NFATC1: variants seen among roughly 807,000 people sequenced by gnomAD.
The protein encoded by NFATC1 is nuclear factor of activated T cells 1.
A neutral mutation model predicts 76.0 loss-of-function variants in NFATC1; 22 were observed. The ratio of observed to expected loss-of-function variants is 0.29; its 90% CI spans 0.21 to 0.41. The LOEUF is 0.41. NFATC1 is among the 10% of genes least tolerant of loss of function. The pLI is 1.00. For missense variants in NFATC1, 1,357 were observed against 1,337.7 expected, an observed-to-expected ratio of 1.01 and a Z score of -0.23; for synonymous variants, 704 against 613.1, an observed-to-expected ratio of 1.15 and a Z score of -2.19.
intron 9 of NFATC1, among the ~76,000 whole-genome samples, chr18:79,521,279 G>T: frequency 1.7e-5 from 1 of 60,044 alleles, no homozygotes; most frequent in African/African-American, 7.1e-5. Flanking sequence ...ATCCGCTGAT[G>T]TGTGTGTCTG....
chr18:79,526,442 G>T (rs1361775741), intron 9 of NFATC1, among the ~76,000 whole-genome samples: 1 of 152,242 alleles, frequency 6.6e-6, no homozygotes, highest in East Asian at 1.9e-4. Context: ...CTTTACAGAG[G>T]CTGAGCTCCC....
At chr18:79,464,642 ATG>A (rs964180373) in intron 7 of NFATC1, among the ~76,000 whole-genome samples, 5 of 124,780 alleles carry the variant, frequency 4.0e-5, no homozygotes, top group African/African-American at 1.4e-4. Context: ...TTGTGGATAT[ATG>A]TGTTTGTGTG....
intron 8 of NFATC1, chr18:79,471,021 T>TC (rs2088764819): frequency 6.6e-6 from 1 of 152,328 alleles, no homozygotes; most frequent in South Asian, 2.1e-4. Flanking sequence ...CCTCCTGACA[T>TC]CCCGGGGTGC....
At chr18:79,526,111 A>G (rs113600401) in intron 9 of NFATC1, among the ~76,000 whole-genome samples, 8,014 of 152,348 alleles carry the variant, frequency 0.053, 282 homozygotes, top group Admixed American at 0.09. Context: ...GAGGCCCCGC[A>G]GCGCCGCCCG....
intron 9 of NFATC1, among the ~76,000 whole-genome samples, chr18:79,490,090 C>CCCCCCG (rs542531833): frequency 0.075 from 11,455 of 152,156 alleles, 585 homozygotes; most frequent in Non-Finnish European, 0.11. Flanking sequence ...GCCTGATCTC[C>CCCCCCG]CCCCCGCCCC....
intron 3 of NFATC1, among the ~76,000 whole-genome samples, chr18:79,441,187 G>A (rs545458939): frequency 6.6e-5 from 10 of 152,324 alleles, no homozygotes; most frequent in South Asian, 6.2e-4. Flanking sequence ...GGTTTCACCC[G>A]GAGATTGGGG....
chr18:79,461,666 A>G (rs2088105476), intron 7 of NFATC1, among the ~76,000 whole-genome samples: 1 of 152,182 alleles, frequency 6.6e-6, no homozygotes, highest in Non-Finnish European at 1.5e-5. Context: ...GAGACAGCCC[A>G]GGGAAGGTCG....
chr18:79,526,833 G>A (rs1025389035), intron 9 of NFATC1, among the ~76,000 whole-genome samples: 4 of 152,216 alleles, frequency 2.6e-5, no homozygotes, highest in Non-Finnish European at 5.9e-5. Context: ...CTGGGCTCTG[G>A]GCGCTCCAGC....
At position 79,486,928 on chromosome 18, in the gene NFATC1, C is replaced by T. The variant is rs751283361; in HGVS notation, c.2773C>T (p.Leu925=). The T allele has an allele frequency of 2.5e-6, 4 of 1,594,218 alleles. No individual in the cohort carries two copies. The highest frequency in any genetic ancestry group is 2.7e-5 in the African/African-American group (2 of 74,474). The change falls in exon 9 of 10, where the codon CTG becomes TTG. Residue 925 remains leucine, a synonymous_variant. Coordinates refer to ENST00000427363, the MANE Select transcript of NFATC1 (RefSeq NM_001278669.2). ...GCCTGAAGAGTTGGACCAGTTGTAC[C>T]TGGATGACGGTGAGTGCCCGCAGCC... ...REPEELDQLY[L]DDVNEIIRND...
intron 1 of NFATC1, chr18:79,400,205 CGGAA>C: frequency 8.5e-7 from 1 of 1,170,804 alleles, no homozygotes; most frequent in Non-Finnish European, 1.1e-6. Flanking sequence ...ATTTAAAACT[CGGAA>C]GCCGGCGGCC....
At chr18:79,479,579 C>T (rs927620918) in intron 8 of NFATC1, among the ~76,000 whole-genome samples, 1 of 152,360 alleles carries the variant, frequency 6.6e-6, no homozygotes, top group Admixed American at 6.5e-5. Context: ...TGGAAGCAGC[C>T]GTGTGGCTTT....
chr18:79,525,816 G>A (rs370382528), intron 9 of NFATC1, among the ~76,000 whole-genome samples: 7 of 152,320 alleles, frequency 4.6e-5, no homozygotes, highest in East Asian at 1.9e-4. Context: ...AACCCCCACC[G>A]TGTCTTCCTC....
intron 1 of NFATC1, among the ~76,000 whole-genome samples, chr18:79,401,061 C>G (rs970527019): frequency 4.3e-5 from 6 of 138,916 alleles, no homozygotes; most frequent in Non-Finnish European, 6.1e-5. Context: ...ATTTTCTCTT[C>G]TCTGTGTCAG....
Position 79,477,322 on chromosome 18 carries a change from C to A in NFATC1, c.2093-8926C>A, listed in dbSNP as rs1037932083. 7.9e-5 allele frequency among the ~76,000 whole-genome samples: 12 copies of A among 152,340 alleles called. 1 individual carries two copies. In the East Asian group the frequency reaches 2.3e-3, roughly 29 times the overall value. On this transcript the variant is annotated intron_variant, in intron 8 of 9. Coordinates refer to ENST00000427363, the MANE Select transcript of NFATC1 (RefSeq NM_001278669.2). ...TTTTGTCCAGTACTGTAGTGCATCC[C>A]TGGTAGAGTAATTCAAGCTGAACAC...
intron 8 of NFATC1, among the ~76,000 whole-genome samples, chr18:79,473,600 G>A (rs1267283302): frequency 1.4e-5 from 2 of 142,478 alleles, no homozygotes; most frequent in Non-Finnish European, 3.0e-5. Flanking sequence ...TAAACCTGAG[G>A]GAAGCGTGTT....
rs375350687 is a variant in NFATC1, at chr18:79,444,396, G to A, written c.1387-4386G>A. 1.1e-3 allele frequency among the ~76,000 whole-genome samples: 170 copies of A among 152,298 alleles called. 1 individual carries two copies. Among genetic ancestry groups the A allele is most frequent in the South Asian group, 8.5e-3 (41 of 4,832 alleles). ...TGCACACTGGGAACCAGGACAAGAG[G>A]TGTGCGGCGTCAGGCTGTGTCCTTC... is the stretch of plus-strand genomic sequence containing the variant. On this transcript the variant is annotated intron_variant, in intron 3 of 9. Transcript: ENST00000427363.
chr18:79,404,981 A>G (rs546366186), intron 1 of NFATC1, among the ~76,000 whole-genome samples: 1 of 152,296 alleles, frequency 6.6e-6, no homozygotes, highest in East Asian at 1.9e-4. Flanking sequence ...TTCTGAAGTG[A>G]ATTATTTCTC....
At position 79,524,890 on chromosome 18, in the gene NFATC1, C is replaced by T. The variant is rs575476462; in HGVS notation, c.2783-2638C>T. ...CCTCCTGTGCCCGCGGGGAACAAGA[C>T]GGCTCTCGGCGGCCATGCAGGCGGC... is the stretch of plus-strand genomic sequence containing the variant. On this transcript the variant is annotated intron_variant, in intron 9 of 9. Transcript: ENST00000427363. The surrounding 1 kb of genome is among the most constrained non-coding windows in gnomAD (Gnocchi z 7.2). Among the ~76,000 whole-genome samples the T allele has an allele frequency of 5.3e-5, 8 of 152,106 alleles. No homozygotes were observed. The highest frequency in any genetic ancestry group is 1.9e-4 in the East Asian group (1 of 5,152).
At chr18:79,520,503 A>T (rs1349156127) in intron 9 of NFATC1, among the ~76,000 whole-genome samples, 6 of 150,708 alleles carry the variant, frequency 4.0e-5, no homozygotes, top group Admixed American at 4.0e-4. Context: ...AAAAATAAGT[A>T]TAGCCAAGCA....
Sources: gnomAD v4.1 joint callset for allele counts (sites outside exome capture counted in the v4.1 genomes callset) on GRCh38, gnomAD v4.1.1 for gene constraint, Gnocchi (gnomAD v3.1) non-coding constraint, MANE v1.5 for transcripts, NCBI Gene and HGNC (gene_info 2026-07-23, HGNC 2026-07-21) for gene names.